The following EXTL3 variants were observed in gnomAD, a reference collection of about 807,000 sequenced individuals.
EXTL3 encodes the protein exostosin like glycosyltransferase 3, also known as exostosin-like 3.
A neutral mutation model predicts 69.3 loss-of-function variants in EXTL3; 27 were observed. That is an observed-to-expected ratio of 0.39 (90% CI 0.29 to 0.54). EXTL3 has a LOEUF of 0.54. Among genes scored for constraint, EXTL3 ranks in the 20% least tolerant of loss-of-function variants. EXTL3 has a pLI of 0.69. For missense variants in EXTL3, 1,003 were observed against 1,231.8 expected, an observed-to-expected ratio of 0.81 and a Z score of 2.78; for synonymous variants, 511 against 499.4, an observed-to-expected ratio of 1.02 and a Z score of -0.31.
Position 28,750,704 on chromosome 8 carries a change from G to A in EXTL3, c.2598G>A (p.Leu866=). Residue 866 remains leucine, a synonymous_variant, in exon 7 of 7, where the codon CTG becomes CTA. Coordinates refer to ENST00000220562, the MANE Select transcript of EXTL3 (RefSeq NM_001440.4). This position sits in a 1 kb window ranked among gnomAD's most constrained non-coding sequence, Gnocchi z 5.2. Reference sequence around the variant, plus strand: ...GATGCCCAGGATGCCCTCAGGCCCTGTCTCATGATGACTCCCACTTCCACG... The same window carrying A: ...GATGCCCAGGATGCCCTCAGGCCCTATCTCATGATGACTCCCACTTCCACG... ...TFRCPGCPQA[L]SHDDSHFHER... is the part of the protein sequence containing the mutation. 1 of 1,614,212 alleles carries A rather than the reference G, an allele frequency of 6.2e-7. No individual in the cohort carries two copies. Among genetic ancestry groups the A allele is most frequent in the Non-Finnish European group, 8.5e-7 (1 of 1,180,048 alleles).
chr8:28,679,327 T>C (rs1448317152), intron 1 of EXTL3, among the ~76,000 whole-genome samples: 2 of 152,098 alleles, frequency 1.3e-5, no homozygotes, highest in Non-Finnish European at 2.9e-5. Context: ...GTGCCTGTAG[T>C]CCCAGCTACT....
intron 1 of EXTL3, among the ~76,000 whole-genome samples, chr8:28,626,568 TGTAGG>T (rs1299858485): frequency 2.0e-5 from 3 of 152,222 alleles, no homozygotes. Context: ...CTTTGCTTTT[TGTAGG>T]GTAGATTAAT....
chr8:28,711,996 G>T (rs1244901522), intron 1 of EXTL3, among the ~76,000 whole-genome samples: 1 of 152,216 alleles, frequency 6.6e-6, no homozygotes, highest in East Asian at 1.9e-4. Flanking sequence ...AAACACAAAG[G>T]GTTCCTCCCC....
chr8:28,715,986 C>A lies in EXTL3; in HGVS notation c.-74C>A. 2.4e-6 allele frequency: 3 copies of A among 1,225,004 alleles called. No homozygotes were observed. Among genetic ancestry groups the A allele is most frequent in the South Asian group, 1.3e-5 (1 of 74,858 alleles). The allele number at this position is 1,225,004 out of a possible 1,614,324, so 75.9% of individuals were successfully genotyped here. A position where few individuals can be genotyped will look rare whatever the true frequency, so the allele number is the denominator to read the frequency against. Reference sequence around the variant, plus strand: ...GGAAACGTGTCAGTGAAACAGAGATCGTTTTGTGGAATAGCAACCCATGGT... The same window carrying A: ...GGAAACGTGTCAGTGAAACAGAGATAGTTTTGTGGAATAGCAACCCATGGT... On this transcript the variant is annotated 5_prime_UTR_variant, in exon 3 of 7. It introduces an in-frame stop codon into an upstream open reading frame of the 5' UTR. Coordinates refer to ENST00000220562, the MANE Select transcript of EXTL3 (RefSeq NM_001440.4).
intron 1 of EXTL3, among the ~76,000 whole-genome samples, chr8:28,695,006 ACT>A (rs753461609): frequency 6.5e-4 from 99 of 152,134 alleles, no homozygotes; most frequent in Non-Finnish European, 9.6e-4. Context: ...GCAGAGTAAG[ACT>A]CTGTCTCCAA....
At chr8:28,641,936 T>C (rs960030527) in intron 1 of EXTL3, among the ~76,000 whole-genome samples, 7 of 151,936 alleles carry the variant, frequency 4.6e-5, no homozygotes, top group African/African-American at 1.4e-4. Context: ...CCCGGGTTCA[T>C]GCCATTCTCC....
chr8:28,630,185 C>T (rs527573277), intron 1 of EXTL3, among the ~76,000 whole-genome samples: 2 of 152,132 alleles, frequency 1.3e-5, no homozygotes, highest in South Asian at 2.1e-4. Flanking sequence ...ATGCTGCTCT[C>T]GTGATAGTGA....
chr8:28,754,060 G>GTGTGTGTA lies in EXTL3; in HGVS notation c.*3195_*3196insGTGTGTAT, dbSNP rs369285182. 400 of 152,554 alleles carry GTGTGTGTA rather than the reference G, an allele frequency of 2.6e-3. 2 individuals carry two copies. In the Middle Eastern group the frequency reaches 0.033, roughly 13 times the overall value. 9.5% of individuals were successfully genotyped at this position (152,554 alleles called of 1,614,324 possible). ...TGTGTGTGTGTGTGTGTGTGTGTGT[G>GTGTGTGTA]TAGTGGTTGTGGGGAGCTGTGTGTG... On this transcript the variant is annotated 3_prime_UTR_variant, in exon 7 of 7. Transcript: ENST00000220562.
intron 1 of EXTL3, among the ~76,000 whole-genome samples, chr8:28,667,984 C>A (rs1345086485): frequency 6.6e-6 from 1 of 152,036 alleles, no homozygotes; most frequent in Non-Finnish European, 1.5e-5. Context: ...GCAGCCTGGG[C>A]AAGCTCAGTG....
chr8:28,644,606 G>C (rs2130590955), intron 1 of EXTL3, among the ~76,000 whole-genome samples: 1 of 152,206 alleles, frequency 6.6e-6, no homozygotes, highest in East Asian at 1.9e-4. Flanking sequence ...GCTCGAGGTG[G>C]GAGGATTGCT....
At chr8:28,620,131 C>T (rs1030026698), upstream of EXTL3, among the ~76,000 whole-genome samples, 2 of 122,310 alleles carry the variant, frequency 1.6e-5, no homozygotes, top group East Asian at 2.4e-4. Context: ...CCTCGGCCTC[C>T]CAAAGTGCTG....
intron 6 of EXTL3, among the ~76,000 whole-genome samples, chr8:28,743,823 C>T (rs1801828608): frequency 6.6e-6 from 1 of 152,156 alleles, no homozygotes; most frequent in Non-Finnish European, 1.5e-5. Flanking sequence ...AAGCCAGAGG[C>T]ACAGGCGATG....
At chr8:28,621,348 C>A (rs539056451), upstream of EXTL3, among the ~76,000 whole-genome samples, 9 of 152,184 alleles carry the variant, frequency 5.9e-5, no homozygotes, top group Non-Finnish European at 1.3e-4. Context: ...ATGAAGCTGG[C>A]CATCTACAAC....
chr8:28,647,303 C>T (rs1806848180), intron 1 of EXTL3, among the ~76,000 whole-genome samples: 2 of 152,070 alleles, frequency 1.3e-5, no homozygotes, highest in Non-Finnish European at 1.5e-5. Context: ...GGGGGTTTCA[C>T]CATGTTGTCC....
chr8:28,725,449 CCTCT>C (rs199884857), intron 3 of EXTL3, among the ~76,000 whole-genome samples: 4 of 152,082 alleles, frequency 2.6e-5, no homozygotes, highest in Non-Finnish European at 5.9e-5. Flanking sequence ...TTTCCTAATT[CCTCT>C]CTATCATTCT....
At chr8:28,710,006 T>A (rs965776576) in intron 1 of EXTL3, among the ~76,000 whole-genome samples, 4 of 152,230 alleles carry the variant, frequency 2.6e-5, no homozygotes, top group Non-Finnish European at 5.9e-5. Flanking sequence ...AGATGGCGAC[T>A]TCTGCTTTGC....
chr8:28,656,518 A>G (rs528360251), intron 1 of EXTL3, among the ~76,000 whole-genome samples: 1 of 151,970 alleles, frequency 6.6e-6, no homozygotes, highest in African/African-American at 2.4e-5. Flanking sequence ...GTGTCATTTG[A>G]GTTTCTATAA....
At chr8:28,630,963 A>G (rs1806562680) in intron 1 of EXTL3, among the ~76,000 whole-genome samples, 2 of 152,142 alleles carry the variant, frequency 1.3e-5, no homozygotes, top group Non-Finnish European at 2.9e-5. Context: ...ATTATAAAAC[A>G]TAAAAGTGAT....
intron 1 of EXTL3, among the ~76,000 whole-genome samples, chr8:28,694,290 C>T (rs982913132): frequency 1.3e-5 from 2 of 152,222 alleles, no homozygotes; most frequent in Non-Finnish European, 2.9e-5. Context: ...ATCTGTCACA[C>T]TCTATGCAGT....
Sources: allele counts gnomAD v4.1 joint callset (sites outside exome capture counted in the v4.1 genomes callset), GRCh38; gene constraint gnomAD v4.1.1; non-coding constraint Gnocchi (gnomAD v3.1); transcripts MANE v1.5; gene names NCBI Gene and HGNC (gene_info 2026-07-23, HGNC 2026-07-21).